The following LRRC7 variants were observed in gnomAD, a reference collection of about 807,000 sequenced individuals.
The protein encoded by LRRC7 is leucine-rich repeat-containing protein 7.
A neutral mutation model predicts 175.7 loss-of-function variants in LRRC7; 23 were observed. The ratio of observed to expected loss-of-function variants is 0.13; its 90% confidence interval spans 0.09 to 0.19. LRRC7 has a LOEUF of 0.19. Among genes scored for constraint, LRRC7 ranks in the 10% least tolerant of loss-of-function variants. LRRC7 has a pLI of 1.00. For synonymous variants in LRRC7, 685 were observed against 680.9 expected (o/e 1.01, Z -0.09); for missense variants, 1,354 against 1,904.7 (o/e 0.71, Z 5.38).
intron 1 of LRRC7, among the ~76,000 whole-genome samples, chr1:69,572,764 A>G (rs1301866446): frequency 6.6e-6 from 1 of 152,124 alleles, no homozygotes; most frequent in Non-Finnish European, 1.5e-5. Context: ...TGCAGGACAT[A>G]CCAAAGAAGA....
chr1:69,671,384 T>C (rs1659051867), intron 1 of LRRC7, among the ~76,000 whole-genome samples: 1 of 152,144 alleles, frequency 6.6e-6, no homozygotes, highest in South Asian at 2.1e-4. Flanking sequence ...GACAAAGTTT[T>C]CTTACTCTTT....
chr1:69,767,344 C>T (rs1284907032), intron 3 of LRRC7, among the ~76,000 whole-genome samples: 1 of 152,042 alleles, frequency 6.6e-6, no homozygotes, highest in Non-Finnish European at 1.5e-5. Context: ...ATATGTGTAA[C>T]TATTTTCTTA....
intron 21 of LRRC7, among the ~76,000 whole-genome samples, chr1:70,041,024 G>T (rs1214435095): frequency 1.3e-5 from 2 of 152,078 alleles, no homozygotes; most frequent in Admixed American, 6.5e-5. Context: ...GGCTTAATGT[G>T]CTCTGCATTG....
At chr1:69,959,765 G>A (rs145618973) in intron 8 of LRRC7, among the ~76,000 whole-genome samples, 159 of 152,090 alleles carry the variant, frequency 1.0e-3, no homozygotes, top group Non-Finnish European at 1.9e-3. Context: ...AACCCAATCA[G>A]GGATCAGGTG....
At chr1:69,707,771 A>T (rs1331515657) in intron 2 of LRRC7, among the ~76,000 whole-genome samples, 1 of 152,192 alleles carries the variant, frequency 6.6e-6, no homozygotes, top group Non-Finnish European at 1.5e-5. Context: ...AGTTAGAGTC[A>T]TAGAGACTTG....
chr1:70,081,221 T>A (rs1663188166), intron 24 of LRRC7, among the ~76,000 whole-genome samples: 1 of 152,202 alleles, frequency 6.6e-6, no homozygotes, highest in African/African-American at 2.4e-5. Context: ...AATAATATAT[T>A]GAGAATATCA....
intron 2 of LRRC7, among the ~76,000 whole-genome samples, chr1:69,706,977 A>G (rs1664113776): frequency 6.6e-6 from 1 of 152,208 alleles, no homozygotes; most frequent in African/African-American, 2.4e-5. Context: ...CAGAAAATAT[A>G]CAAAAAAGGA....
intron 3 of LRRC7, among the ~76,000 whole-genome samples, chr1:69,787,301 T>TGG: frequency 6.6e-6 from 1 of 152,262 alleles, no homozygotes; most frequent in East Asian, 1.9e-4. Flanking sequence ...AGGCACATGG[T>TGG]GCAAGCTCTC....
chr1:69,840,163 C>G (rs967637936), intron 7 of LRRC7, among the ~76,000 whole-genome samples: 5 of 151,736 alleles, frequency 3.3e-5, no homozygotes, highest in African/African-American at 1.2e-4. Flanking sequence ...ACTCACAGGC[C>G]AAAATCTAAA....
Position 69,740,738 on chromosome 1 carries a change from G to A in LRRC7, c.101-19453G>A, listed in dbSNP as rs749341983. Among the ~76,000 whole-genome samples, 5 of 152,162 alleles carry A rather than the reference G, an allele frequency of 3.3e-5. No homozygotes were observed. In the East Asian group the frequency reaches 9.7e-4, roughly 29 times the overall value. On this transcript the variant is annotated intron_variant, in intron 2 of 26. Coordinates refer to ENST00000651989, the MANE Select transcript of LRRC7 (RefSeq NM_001370785.2). Reference sequence around the variant, plus strand: ...CTATATTCGGTTTACATCTCCACTTGTTACAGTTCACGGTGTACAGAAAAC... The same window carrying A: ...CTATATTCGGTTTACATCTCCACTTATTACAGTTCACGGTGTACAGAAAAC...
intron 2 of LRRC7, among the ~76,000 whole-genome samples, chr1:69,756,633 G>A (rs1670464097): frequency 6.6e-6 from 1 of 151,782 alleles, no homozygotes. Context: ...AGGTATTTCT[G>A]ACATGCAAGT....
rs776591746 is a variant in LRRC7, at chr1:70,038,490, C to T, written c.2666C>T (p.Pro889Leu). Residue 889 changes from proline to leucine, a missense_variant, in exon 21 of 27, where the codon CCG becomes CTG. Physicochemically the swap from Pro to Leu is moderately conservative, Grantham distance 98. Around this residue, in one of 4 missense-constraint regions of LRRC7, gnomAD observed 1,032 missense variants for 1,227.2 expected, o/e 0.84. Coordinates refer to ENST00000651989, the MANE Select transcript of LRRC7 (RefSeq NM_001370785.2). ...PWQNWTRTPSPFEDRTAFPSK... is the reference protein window; with the variant it reads ...PWQNWTRTPSLFEDRTAFPSK... ...CAGAATTGGACCAGAACCCCTAGTC[C>T]GTTTGAAGACAGGACCGCTTTTCCT... 1.5e-5 allele frequency: 24 copies of T among 1,613,932 alleles called. No individual in the cohort carries two copies. Among genetic ancestry groups the T allele is most frequent in the South Asian group, 3.3e-5 (3 of 91,078 alleles).
chr1:69,892,510 T>G (rs1645865466), intron 7 of LRRC7, among the ~76,000 whole-genome samples: 1 of 152,234 alleles, frequency 6.6e-6, no homozygotes. Flanking sequence ...AAATTCCTTC[T>G]GGTACTGTAA....
intron 7 of LRRC7, among the ~76,000 whole-genome samples, chr1:69,921,191 A>C (rs1235340447): frequency 9.7e-6 from 1 of 103,052 alleles, no homozygotes; most frequent in Non-Finnish European, 2.1e-5. Context: ...TGTGTGGTAA[A>C]CTCCAAGTTA....
In LRRC7 at chr1:70,064,434, T is replaced by C. The variant is rs1661815130; in HGVS notation, c.4230+11289T>C. ...GAGTTAGAGGTATGAAATTGAGCGA[T>C]ACAGGATTGGAATCCAGTGTTGTCT... On this transcript the variant is annotated intron_variant, in intron 23 of 26. Transcript: ENST00000651989. Among the ~76,000 whole-genome samples the C allele has an allele frequency of 2.6e-5, 4 of 152,024 alleles. No homozygotes were observed. In the South Asian group the frequency reaches 8.3e-4, roughly 32 times the overall value.
rs914560370 is a variant in LRRC7, at chr1:69,760,234, T to A, written c.144T>A (p.Arg48=). Residue 48 remains arginine (R), a synonymous_variant, in exon 3 of 27, where the codon CGT becomes CGA. Transcript: ENST00000651989. ...EMTTKRKIIG[R]LVPCRCFRGE... ...CCACCAAACGGAAAATCATCGGCCG[T>A]CTGGTGCCATGCCGATGTTTCCGAG... 2.5e-6 allele frequency: 4 copies of A among 1,612,802 alleles called. No homozygotes were observed. Among genetic ancestry groups the A allele is most frequent in the Non-Finnish European group, 2.5e-6 (3 of 1,179,264 alleles).
intron 7 of LRRC7, among the ~76,000 whole-genome samples, chr1:69,924,520 T>G (rs888811236): frequency 7.9e-5 from 12 of 152,200 alleles, no homozygotes; most frequent in African/African-American, 2.9e-4. Flanking sequence ...TTCACGTCCC[T>G]TGTAAGTTGG....
At chr1:69,942,901 C>T (rs1035610223) in intron 8 of LRRC7, among the ~76,000 whole-genome samples, 5 of 152,144 alleles carry the variant, frequency 3.3e-5, no homozygotes, top group Admixed American at 6.6e-5. Context: ...CTATGAGCCA[C>T]CATGTAGCCC....
chr1:69,740,012 A>G (rs1322354964), intron 2 of LRRC7, among the ~76,000 whole-genome samples: 2 of 152,102 alleles, frequency 1.3e-5, no homozygotes, highest in Non-Finnish European at 2.9e-5. Flanking sequence ...GAAGAAAGGA[A>G]GAAAGCAACC....
Sources: allele counts gnomAD v4.1 joint callset (sites outside exome capture counted in the v4.1 genomes callset), GRCh38; gene constraint gnomAD v4.1.1; regional missense constraint gnomAD v4.1.1; transcripts MANE v1.5; gene names NCBI Gene and HGNC (gene_info 2026-07-23, HGNC 2026-07-21).